Variants in CTNND2 observed in about 807,000 individuals in gnomAD.
The protein encoded by CTNND2 is catenin delta-2.
A neutral mutation model predicts 144.4 loss-of-function variants in CTNND2; 22 were observed. That is an observed-to-expected ratio of 0.15 (90% confidence interval 0.11 to 0.22). The LOEUF (loss-of-function observed/expected upper bound fraction) is 0.22. CTNND2 is among the 10% of genes least tolerant of loss of function. CTNND2 has a pLI of 1.00. For missense variants in CTNND2, 1,353 were observed against 1,618.8 expected (o/e 0.84, Z 2.82); for synonymous variants, 751 against 695.6 (o/e 1.08, Z -1.25).
intron 9 of CTNND2, among the ~76,000 whole-genome samples, chr5:11,242,407 A>G (rs956771330): frequency 6.6e-6 from 1 of 152,246 alleles, no homozygotes; most frequent in Non-Finnish European, 1.5e-5. Flanking sequence ...GTTGCCTGCT[A>G]TAATCATTCT....
chr5:11,372,142 C>T (rs1004194960), intron 7 of CTNND2, among the ~76,000 whole-genome samples: 9 of 152,202 alleles, frequency 5.9e-5, no homozygotes, highest in African/African-American at 1.9e-4. Context: ...AACCTCATCA[C>T]ACCTTTTACA....
At chr5:11,775,066 C>G (rs765639934) in intron 1 of CTNND2, among the ~76,000 whole-genome samples, 36 of 152,108 alleles carry the variant, frequency 2.4e-4, no homozygotes, top group African/African-American at 8.2e-4. Context: ...GGGGGCGGTG[C>G]GGGCAAGAAG....
intron 1 of CTNND2, among the ~76,000 whole-genome samples, chr5:11,798,123 G>A (rs572479105): frequency 1.1e-3 from 164 of 151,974 alleles, no homozygotes; most frequent in African/African-American, 3.1e-3. Flanking sequence ...ATAGCCAGTC[G>A]TGGTGGTACA....
At position 11,095,459 on chromosome 5, in the gene CTNND2, T is replaced by C. The variant is rs996541470; in HGVS notation, c.2637+3116A>G. Among the ~76,000 whole-genome samples, 14 of 152,340 alleles carry C rather than the reference T, an allele frequency of 9.2e-5. No individual in the cohort carries two copies. The East Asian group carries it at 1.7e-3, about 19-fold the overall frequency. On this transcript the variant is annotated intron_variant, in intron 15 of 21. Coordinates refer to ENST00000304623, the MANE Select transcript of CTNND2 (RefSeq NM_001332.4). ...CATAATATGTGCTACCAAATTCTTA[T>C]TGACTAGTAGACATTAATAAATAGA...
intron 6 of CTNND2, among the ~76,000 whole-genome samples, chr5:11,391,549 T>C (rs1759629268): frequency 6.6e-6 from 1 of 152,204 alleles, no homozygotes. Flanking sequence ...ATGCACACCA[T>C]TGCTCAAAAA....
intron 18 of CTNND2, among the ~76,000 whole-genome samples, chr5:11,013,667 G>A (rs767531566): frequency 5.3e-5 from 8 of 152,162 alleles, no homozygotes; most frequent in Non-Finnish European, 1.0e-4. Context: ...ACCCCAAAAT[G>A]GGATAACATG....
chr5:11,887,936 G>A (rs1174169469), intron 1 of CTNND2, among the ~76,000 whole-genome samples: 2 of 152,166 alleles, frequency 1.3e-5, no homozygotes, highest in Admixed American at 6.5e-5. Context: ...TCAACACATT[G>A]TATCAAGCTA....
chr5:11,459,442 T>C (rs1288255446), intron 3 of CTNND2, among the ~76,000 whole-genome samples: 1 of 152,226 alleles, frequency 6.6e-6, no homozygotes, highest in Non-Finnish European at 1.5e-5. Context: ...AGGTATTGTT[T>C]TGTCTTATTA....
chr5:11,679,492 A>T (rs1485199200), intron 2 of CTNND2, among the ~76,000 whole-genome samples: 1 of 152,206 alleles, frequency 6.6e-6, no homozygotes, highest in East Asian at 1.9e-4. Context: ...TCTGAAACAA[A>T]GTATGTAATA....
chr5:11,064,681 C>T lies in CTNND2; in HGVS notation c.2788+18015G>A, dbSNP rs998720214. 7.2e-5 allele frequency among the ~76,000 whole-genome samples: 11 copies of T among 152,124 alleles called. No homozygotes were observed. In the East Asian group the frequency reaches 2.1e-3, roughly 29 times the overall value. ...TACCTCATGCCTGGGTCTACCAGCC[C>T]TGTCAGCTCTACCATCTAAACTCAT... On this transcript the variant is annotated intron_variant, in intron 16 of 21. Coordinates refer to ENST00000304623, the MANE Select transcript of CTNND2 (RefSeq NM_001332.4).
intron 11 of CTNND2, among the ~76,000 whole-genome samples, chr5:11,181,464 G>A (rs530864736): frequency 6.6e-6 from 1 of 152,282 alleles, no homozygotes; most frequent in South Asian, 2.1e-4. Flanking sequence ...GTGCCCCGGG[G>A]AGCCATGGTG....
chr5:11,200,660 T>C (rs1737327086), intron 10 of CTNND2, among the ~76,000 whole-genome samples: 2 of 152,068 alleles, frequency 1.3e-5, no homozygotes, highest in South Asian at 4.2e-4. Flanking sequence ...GCCTCTTTCT[T>C]TTCTCTTTCT....
intron 17 of CTNND2, among the ~76,000 whole-genome samples, chr5:11,021,187 A>T (rs1324467048): frequency 6.6e-6 from 1 of 152,182 alleles, no homozygotes; most frequent in Non-Finnish European, 1.5e-5. Flanking sequence ...CCATTTAGTG[A>T]TGCTTATTGC....
Position 11,822,944 on chromosome 5 carries a change from T to A in CTNND2, c.37+80873A>T, listed in dbSNP as rs185988204. Among the ~76,000 whole-genome samples, 1,047 of 152,218 alleles carry A rather than the reference T, an allele frequency of 6.9e-3. 7 individuals carry two copies. Among genetic ancestry groups the A allele is most frequent in the Non-Finnish European group, 0.011 (751 of 68,018 alleles). ...CTTACACACAGAAACCATAAGATAA[T>A]AAATGTATGTCACTACAGACCACTA... On this transcript the variant is annotated intron_variant, in intron 1 of 21. Transcript: ENST00000304623.
rs1780897434 is a variant in CTNND2, at chr5:11,622,502, A to G, written c.175-57446T>C. Among the ~76,000 whole-genome samples the G allele has an allele frequency of 2.0e-5, 3 of 152,204 alleles. No homozygotes were observed. In the East Asian group the frequency reaches 5.8e-4, roughly 29 times the overall value. On this transcript the variant is annotated intron_variant, in intron 2 of 21. Transcript: ENST00000304623. The stretch of plus-strand genomic sequence containing the variant: ...AAATGGACATCTCAGTTATATTCAT[A>G]TGGGTTCATAAACTGAAGAGTTTTT...
At chr5:11,029,262 G>C (rs1205533405) in intron 16 of CTNND2, among the ~76,000 whole-genome samples, 2 of 152,050 alleles carry the variant, frequency 1.3e-5, no homozygotes, top group Non-Finnish European at 2.9e-5. Flanking sequence ...TTTGATTGGA[G>C]AGTTTATCCA....
chr5:11,828,200 G>A (rs926068054), intron 1 of CTNND2, among the ~76,000 whole-genome samples: 2 of 152,160 alleles, frequency 1.3e-5, no homozygotes, highest in African/African-American at 4.8e-5. Context: ...TCCCGTGATA[G>A]TGAATAAGTC....
intron 2 of CTNND2, among the ~76,000 whole-genome samples, chr5:11,619,630 T>C (rs1780742377): frequency 6.6e-6 from 1 of 152,176 alleles, no homozygotes; most frequent in Admixed American, 6.6e-5. Context: ...TTTCTGAACT[T>C]GTTTGCATGA....
At chr5:11,767,386 C>T (rs1023829901) in intron 1 of CTNND2, among the ~76,000 whole-genome samples, 8 of 152,270 alleles carry the variant, frequency 5.3e-5, no homozygotes, top group Non-Finnish European at 1.0e-4. Context: ...TCCATCTGTT[C>T]ATATACACCC....
Sources: allele counts gnomAD v4.1 joint callset (sites outside exome capture counted in the v4.1 genomes callset), GRCh38; gene constraint gnomAD v4.1.1; transcripts MANE v1.5; gene names NCBI Gene and HGNC (gene_info 2026-07-23, HGNC 2026-07-21).